LDB3: variants seen among roughly 807,000 people sequenced by gnomAD.
The protein encoded by LDB3 is LIM domain binding 3.
LDB3 carries 49 observed loss-of-function variants against 69.0 expected under a neutral mutation model. The observed-to-expected ratio is 0.71, with a 90% confidence interval of 0.56 to 0.90. The LOEUF (loss-of-function observed/expected upper bound fraction) is 0.90, where lower values mean the gene tolerates loss of function less well. LDB3 is among the 40% of genes least tolerant of loss of function. The pLI is 0.00. For missense variants in LDB3, 928 were observed against 974.1 expected (o/e 0.95, Z 0.63); for synonymous variants, 387 against 396.2 (o/e 0.98, Z 0.28).
In LDB3 at chr10:86,680,349, G is replaced by C. The variant is rs45519132; in HGVS notation, c.321+192G>C. On this transcript the variant is annotated intron_variant, in intron 4 of 13. Transcript: ENST00000361373. ...CCTTGGGAGAGACTTTCAAGCCCCT[G>C]TTGAACACTGGATGTGGGAATGAAT... 0.038 allele frequency among the ~76,000 whole-genome samples: 5,719 copies of C among 152,336 alleles called. 219 individuals carry two copies. Among genetic ancestry groups the C allele is most frequent in the Admixed American group, 0.12 (1,781 of 15,310 alleles).
At position 86,687,086 on chromosome 10, in the gene LDB3, G is replaced by A. The variant is rs758563320; in HGVS notation, c.690-4810G>A. 7 of 1,614,030 alleles carry A rather than the reference G, an allele frequency of 4.3e-6. No homozygotes were observed. The highest frequency in any genetic ancestry group is 2.2e-5 in the East Asian group (1 of 44,868). On this transcript the variant is annotated intron_variant, in intron 5 of 13. Coordinates refer to ENST00000361373, the MANE Select transcript of LDB3 (RefSeq NM_007078.3). ...TCCCCCAGCGCCGACTACCAGGAAC[G>A]CTTCAACCCCAGTGCCCTGAAGGAC... is the stretch of plus-strand genomic sequence containing the variant.
intron 9 of LDB3, among the ~76,000 whole-genome samples, chr10:86,712,078 C>T (rs1268621297): frequency 6.6e-6 from 1 of 152,106 alleles, no homozygotes; most frequent in Non-Finnish European, 1.5e-5. Context: ...CTGAAGGATG[C>T]AGAAGCTGAG....
intron 7 of LDB3, among the ~76,000 whole-genome samples, chr10:86,705,661 C>A (rs1323346865): frequency 6.6e-6 from 1 of 152,160 alleles, no homozygotes; most frequent in African/African-American, 2.4e-5. Context: ...GCTGAGACAT[C>A]CCCAACCCGT....
At chr10:86,667,598 T>C (rs1844230477), upstream of LDB3, among the ~76,000 whole-genome samples, 1 of 152,078 alleles carries the variant, frequency 6.6e-6, no homozygotes, top group Admixed American at 6.6e-5. Flanking sequence ...TCTCCTCCCT[T>C]CTCCCTGCCC....
chr10:86,694,144 G>A (rs1289832617), intron 7 of LDB3, among the ~76,000 whole-genome samples: 8 of 152,194 alleles, frequency 5.3e-5, no homozygotes, highest in Admixed American at 1.3e-4. Context: ...GCAAACTTTT[G>A]TCTTTTCTTT....
chr10:86,705,145 T>C (rs1415020273), intron 7 of LDB3, among the ~76,000 whole-genome samples: 4 of 152,228 alleles, frequency 2.6e-5, no homozygotes, highest in African/African-American at 9.6e-5. Context: ...GAGGTTTATT[T>C]CTTCCTCCAT....
At chr10:86,679,261 A>G in intron 2 of LDB3, 106 bp from the exon 3 acceptor site, 2 of 1,416,396 alleles carry the variant, frequency 1.4e-6, no homozygotes, top group East Asian at 4.6e-5. Flanking sequence ...TGAAAAACAC[A>G]ATGACGGCTT....
At position 86,699,191 on chromosome 10, in the gene LDB3, C is replaced by A; in HGVS notation, c.896+6620C>A. The stretch of plus-strand genomic sequence containing the variant: ...GGGGAATGGTGAACACATTCCCTAA[C>A]CCCTTTCATTCTCCCTCTCTTCTCT... On this transcript the variant is annotated intron_variant, in intron 7 of 13. Coordinates refer to ENST00000361373, the MANE Select transcript of LDB3 (RefSeq NM_007078.3). The surrounding 1 kb of genome is among the most constrained non-coding windows in gnomAD (Gnocchi z 4.9). 2 of 1,505,994 alleles carry A rather than the reference C, an allele frequency of 1.3e-6. No homozygotes were observed. The highest frequency in any genetic ancestry group is 2.3e-5 in the East Asian group (1 of 43,916). 93.3% of individuals were successfully genotyped at this position (1,505,994 alleles called of 1,614,324 possible).
chr10:86,681,374 G>A (rs2132370425), intron 4 of LDB3, 62 bp from the exon 5 acceptor site: 4 of 1,594,926 alleles, frequency 2.5e-6, no homozygotes, highest in South Asian at 2.2e-5. Context: ...CAGGAGCGCT[G>A]GGACGCGTGT....
At chr10:86,668,314 C>T, upstream of LDB3, 1 of 350,836 alleles carries the variant, frequency 2.9e-6, no homozygotes, top group Non-Finnish European at 5.5e-6. Context: ...GCATTCTCAC[C>T]AACCAGGCCA....
At chr10:86,720,385 A>C (rs779336165) in intron 12 of LDB3, among the ~76,000 whole-genome samples, 1 of 151,858 alleles carries the variant, frequency 6.6e-6, no homozygotes, top group Non-Finnish European at 1.5e-5. Flanking sequence ...CAGAGGTTGC[A>C]GTGAGCTGAG....
intron 5 of LDB3, chr10:86,687,259 A>C: frequency 1.2e-6 from 2 of 1,614,148 alleles, no homozygotes; most frequent in Non-Finnish European, 1.7e-6. Context: ...AGCCCAAGGC[A>C]GTGACTTCAG....
At chr10:86,718,585 C>G (rs1846961231) in intron 11 of LDB3, 142 bp from the exon 12 acceptor site, 31 of 1,162,744 alleles carry the variant, frequency 2.7e-5, no homozygotes, top group Non-Finnish European at 4.0e-5. Flanking sequence ...CTGGGTCTTT[C>G]TTCAGAGTGA....
At chr10:86,701,692 G>C (rs1846268405) in intron 7 of LDB3, among the ~76,000 whole-genome samples, 1 of 152,342 alleles carries the variant, frequency 6.6e-6, no homozygotes, top group Admixed American at 6.5e-5. Context: ...GAAGAGGTCA[G>C]TGTATTTTAT....
intron 10 of LDB3, 124 bp downstream of exon 10, chr10:86,716,895 G>A (rs947286139): frequency 4.8e-6 from 5 of 1,048,186 alleles, no homozygotes; most frequent in South Asian, 2.8e-5. Context: ...AGAAAGCCTC[G>A]GGTCCTTCTG....
chr10:86,686,283 C>T (rs1027605156), intron 5 of LDB3, among the ~76,000 whole-genome samples: 2 of 152,226 alleles, frequency 1.3e-5, no homozygotes, highest in African/African-American at 2.4e-5. Context: ...AGCCCCTTCA[C>T]GGAGAAACCT....
rs878994517 is a variant in LDB3 at position 86,726,368 on chromosome 10, T to C, written c.2094+116T>C. 6 of 777,354 alleles carry C rather than the reference T, an allele frequency of 7.7e-6. No individual in the cohort carries two copies. The South Asian group carries it at 8.7e-5, about 11-fold the overall frequency. The allele number at this position is 777,354 out of a possible 1,614,324, so 48.2% of individuals were successfully genotyped here. Reference sequence around the variant, plus strand: ...CGCTAGCTTTCTGACATCCTGATCATTTTTAAAAGCTGGCAAACACCATGA... The same window carrying C: ...CGCTAGCTTTCTGACATCCTGATCACTTTTAAAAGCTGGCAAACACCATGA... On this transcript the variant is annotated intron_variant, in intron 13 of 13. Coordinates refer to ENST00000361373, the MANE Select transcript of LDB3 (RefSeq NM_007078.3).
chr10:86,720,301 G>A (rs191202536), intron 12 of LDB3, among the ~76,000 whole-genome samples: 6 of 152,198 alleles, frequency 3.9e-5, no homozygotes, highest in East Asian at 1.9e-4. Flanking sequence ...AAAATTAGCC[G>A]AGCATGATGG....
At chr10:86,696,282 A>G (rs1246560269) in intron 7 of LDB3, among the ~76,000 whole-genome samples, 1 of 151,876 alleles carries the variant, frequency 6.6e-6, no homozygotes, top group Non-Finnish European at 1.5e-5. Flanking sequence ...GCCCCCGCCA[A>G]TGGGCCCCTT....
Sources: allele counts gnomAD v4.1 joint callset (sites outside exome capture counted in the v4.1 genomes callset), GRCh38; gene constraint gnomAD v4.1.1; non-coding constraint Gnocchi (gnomAD v3.1); transcripts MANE v1.5; gene names NCBI Gene and HGNC (gene_info 2026-07-23, HGNC 2026-07-21).